Variants in ALKBH8 observed in about 807,000 individuals in gnomAD.
ALKBH8 encodes the protein tRNA (carboxymethyluridine(34)-5-O)-methyltransferase ALKBH8.
A neutral mutation model predicts 59.8 loss-of-function variants in ALKBH8; 36 were observed. The observed-to-expected ratio is 0.60, with a 90% CI of 0.46 to 0.79. ALKBH8 has a LOEUF of 0.79. Ranked by LOEUF, ALKBH8 falls within the 30% of genes least tolerant of loss-of-function variation. ALKBH8 has a pLI of 0.00. For synonymous variants in ALKBH8, 276 were observed against 273.6 expected, an observed-to-expected ratio of 1.01 and a Z score of -0.09; for missense variants, 768 against 801.0, an observed-to-expected ratio of 0.96 and a Z score of 0.50.
chr11:107,532,319 T>A lies in ALKBH8; in HGVS notation c.859A>T (p.Arg287Ter). The A allele has an allele frequency of 6.2e-7, 1 of 1,613,388 alleles. No individual in the cohort carries two copies. Among genetic ancestry groups the A allele is most frequent in the Non-Finnish European group, 8.5e-7 (1 of 1,179,488 alleles). Residue 287 changes from arginine (R) to a stop codon, truncating the protein, a stop_gained, in exon 8 of 12, where the codon AGA becomes TGA. Transcript: ENST00000428149. LOFTEE classifies it high-confidence loss of function. The part of the protein sequence containing the change: ...RSLLVMTGES[R>*]YLWTHGITCR... ...ACATACCCATGGGTCCAAAGGTATC[T>A]AGATTCTCCTGTCATCACCAGCAAA... is the stretch of plus-strand genomic sequence containing the variant.
At chr11:107,522,951 G>A (rs1350272963) in intron 9 of ALKBH8, among the ~76,000 whole-genome samples, 1 of 151,866 alleles carries the variant, frequency 6.6e-6, no homozygotes, top group Admixed American at 6.6e-5. Context: ...GGGACTACCT[G>A]CCTTCGGGCC....
Position 107,504,604 on chromosome 11 carries a change from CTTTTT to C in ALKBH8, c.*49_*53del. On this transcript the variant is annotated 3_prime_UTR_variant, in exon 12 of 12. Transcript: ENST00000428149. ...TAAAAGGGTAATTAATTTATTCTCT[CTTTTT>C]TTTTAAGTGAGCATTTCTTCTTTAT... The C allele has an allele frequency of 6.7e-7, 1 of 1,496,582 alleles. No homozygotes were observed. The highest frequency in any genetic ancestry group is 9.0e-7 in the Non-Finnish European group (1 of 1,108,038). The allele number at this position is 1,496,582 out of a possible 1,614,324, so 92.7% of individuals were successfully genotyped here. A position where few individuals can be genotyped will look rare whatever the true frequency, so the allele number is the denominator to read the frequency against.
intron 11 of ALKBH8, among the ~76,000 whole-genome samples, chr11:107,508,715 C>G (rs1298994973): frequency 9.9e-5 from 15 of 152,134 alleles, no homozygotes. Context: ...CTTTCTGTCT[C>G]TATGAATTTA....
chr11:107,510,463 G>A (rs1384859069), intron 11 of ALKBH8, among the ~76,000 whole-genome samples: 2 of 152,094 alleles, frequency 1.3e-5, no homozygotes, highest in African/African-American at 2.4e-5. Flanking sequence ...ACATGTCAGG[G>A]ATAAAACTAT....
rs148095090 is a variant in ALKBH8 at position 107,560,810 on chromosome 11, A to G, written c.84T>C (p.Thr28=). The G allele has an allele frequency of 1.4e-4, 227 of 1,613,286 alleles. No homozygotes were observed. Among genetic ancestry groups the G allele is most frequent in the Non-Finnish European group, 1.8e-4 (210 of 1,179,636 alleles). The change falls in exon 2 of 12, where the codon ACT becomes ACC. Residue 28 remains threonine, a synonymous_variant. Transcript: ENST00000428149. The part of the protein sequence containing the change: ...FLRKQIKAKH[T]LLRHEGIETV... ...TCTCAATGCCTTCATGTCTCAGCAA[A>G]GTATGCTTGGCTTTAATCTGTTTCC...
chr11:107,547,065 T>C (rs182153457), intron 7 of ALKBH8, among the ~76,000 whole-genome samples: 1 of 152,172 alleles, frequency 6.6e-6, no homozygotes, highest in East Asian at 1.9e-4. Flanking sequence ...AGCTGAGTCT[T>C]TGACATTATA....
chr11:107,532,526 T>C, intron 7 of ALKBH8, 120 bp from the exon 8 acceptor site: 1 of 748,530 alleles, frequency 1.3e-6, no homozygotes, highest in East Asian at 2.8e-5. Flanking sequence ...ATAATAATGC[T>C]TGCAGAAAAG....
chr11:107,532,359 C>T lies in ALKBH8; in HGVS notation c.819G>A (p.Met273Ile), dbSNP rs750144970. The T allele has an allele frequency of 9.9e-6, 16 of 1,613,562 alleles. No homozygotes were observed. Among genetic ancestry groups the T allele is most frequent in the Admixed American group, 5.0e-5 (3 of 59,988 alleles). ...TCACCAGCAAACTCCGACGAGGCAA[C>T]ATAACTGGCACTGCAATGCCATCTG... ...KHPDGIAVPV[M>I]LPRRSLLVMT... Residue 273 changes from methionine (M) to isoleucine (I), a missense_variant, in exon 8 of 12, where the codon ATG becomes ATA. Met to Ile is a conservative substitution (Grantham distance 10, BLOSUM62 1). Transcript: ENST00000428149.
At chr11:107,540,979 A>C (rs1382868218) in intron 7 of ALKBH8, among the ~76,000 whole-genome samples, 1 of 152,148 alleles carries the variant, frequency 6.6e-6, no homozygotes, top group Non-Finnish European at 1.5e-5. Flanking sequence ...CCTAAATTCT[A>C]TTTGTTTATT....
At chr11:107,557,137 G>T in intron 2 of ALKBH8, 134 bp from the exon 3 acceptor site, 1 of 630,020 alleles carries the variant, frequency 1.6e-6, no homozygotes, top group Non-Finnish European at 2.4e-6. Context: ...GTGGTTGTTT[G>T]GTTTGCTAAT....
At chr11:107,505,288 A>T in intron 11 of ALKBH8, 73 bp from the exon 12 acceptor site, 3 of 1,174,126 alleles carry the variant, frequency 2.6e-6, no homozygotes, top group Non-Finnish European at 2.3e-6. Flanking sequence ...TGACCATAGG[A>T]CTGTTTTCAA....
intron 7 of ALKBH8, among the ~76,000 whole-genome samples, chr11:107,549,258 C>A (rs1437934567): frequency 1.3e-5 from 2 of 152,142 alleles, no homozygotes; most frequent in Non-Finnish European, 2.9e-5. Context: ...AGAAACAAAT[C>A]AATGAATAAA....
At chr11:107,557,461 T>C (rs1161687075) in intron 2 of ALKBH8, among the ~76,000 whole-genome samples, 2 of 152,198 alleles carry the variant, frequency 1.3e-5, no homozygotes, top group Non-Finnish European at 2.9e-5. Flanking sequence ...CCCAATTTCA[T>C]AGAAGAAGAT....
Position 107,556,862 on chromosome 11 carries a change from C to T in ALKBH8, c.271G>A (p.Glu91Lys), listed in dbSNP as rs1864737502. 2 of 1,603,766 alleles carry T rather than the reference C, an allele frequency of 1.2e-6. No homozygotes were observed. Among genetic ancestry groups the T allele is most frequent in the Admixed American group, 1.7e-5 (1 of 58,654 alleles). ...PYSFARYRTT[E>K]ESKRAYVTLN... ...GTAACATAGGCTCTCTTAGATTCTT[C>T]TGTAGTTCTGTATCTTGCAAATGAG... is the stretch of plus-strand genomic sequence containing the variant. Residue 91 changes from glutamate to lysine, a missense_variant, in exon 3 of 12, where the codon GAA becomes AAA. Physicochemically the swap from Glu to Lys is moderately conservative, Grantham distance 56. Transcript: ENST00000428149.
chr11:107,557,027 A>AAAAG, intron 2 of ALKBH8, 24 bp from the exon 3 acceptor site: 1 of 1,489,930 alleles, frequency 6.7e-7, no homozygotes, highest in Non-Finnish European at 9.0e-7. Context: ...CAAACAAACA[A>AAAAG]AAAGAAAGTA....
chr11:107,535,946 AT>A lies in ALKBH8; in HGVS notation c.772-3541del, dbSNP rs569690026. On this transcript the variant is annotated intron_variant, in intron 7 of 11. Transcript: ENST00000428149. Reference sequence around the variant, plus strand: ...CACAAGCAATCAAGTGTTAAATTAAATTTAGCCTAAAGTTAGTTGCCTCCTT... The same window carrying A: ...CACAAGCAATCAAGTGTTAAATTAAATTAGCCTAAAGTTAGTTGCCTCCTT... 2.5e-3 allele frequency among the ~76,000 whole-genome samples: 386 copies of A among 152,362 alleles called. 2 individuals are homozygous for A. Among genetic ancestry groups the A allele is most frequent in the Non-Finnish European group, 4.6e-3 (316 of 68,026 alleles).
chr11:107,538,249 T>C (rs1863903934), intron 7 of ALKBH8, among the ~76,000 whole-genome samples: 1 of 152,104 alleles, frequency 6.6e-6, no homozygotes. Flanking sequence ...ATAATTTTAC[T>C]TATAAAATTA....
intron 3 of ALKBH8, among the ~76,000 whole-genome samples, chr11:107,555,187 G>C (rs12275976): frequency 0.047 from 7,102 of 152,222 alleles, 529 homozygotes; most frequent in African/African-American, 0.16. Context: ...GTGAACCCGG[G>C]AGGTGGAGCT....
intron 1 of ALKBH8, chr11:107,563,817 G>C (rs1359498513): frequency 6.6e-6 from 1 of 152,222 alleles, no homozygotes; most frequent in Admixed American, 6.5e-5. Context: ...GCACCAGCAG[G>C]TGGAGCCTCA....
Sources: allele counts gnomAD v4.1 joint callset (sites outside exome capture counted in the v4.1 genomes callset), GRCh38; gene constraint gnomAD v4.1.1; transcripts MANE v1.5; gene names NCBI Gene and HGNC (gene_info 2026-07-23, HGNC 2026-07-21).